ARSB: variants seen among roughly 807,000 people sequenced by gnomAD.
ARSB encodes the protein N-acetylgalactosamine-4-sulfatase.
In ARSB, 41 loss-of-function variants were observed where a neutral mutation model predicts 50.9. That is an observed-to-expected ratio of 0.81 (90% confidence interval 0.63 to 1.04). ARSB has a LOEUF of 1.04. Among genes scored for constraint, ARSB ranks in the 50% least tolerant of loss-of-function variants. The pLI is 0.00. For missense variants in ARSB, 672 were observed against 693.3 expected (o/e 0.97, Z 0.35); for synonymous variants, 269 against 284.8 (o/e 0.94, Z 0.56).
In ARSB at chr5:78,980,938, C is replaced by CTT. The variant is rs762385496; in HGVS notation, c.312+3997_312+3998dup. Among the ~76,000 whole-genome samples the CTT allele has an allele frequency of 6.5e-4, 16 of 24,480 alleles. 4 individuals are homozygous for CTT. The highest frequency in any genetic ancestry group is 1.4e-3 in the Admixed American group (3 of 2,090). The allele number at this position is 24,480 out of a possible 152,430, so 16.1% of individuals were successfully genotyped here. A position where few individuals can be genotyped will look rare whatever the true frequency, so the allele number is the denominator to read the frequency against. ...TGTAGAGAGACCTGAATTTCTAGTTCTTTTTTTTTTTTTTTTTTTTTTTTT... is the reference window on the plus strand; with the variant it reads ...TGTAGAGAGACCTGAATTTCTAGTTCTTTTTTTTTTTTTTTTTTTTTTTTTTT... On this transcript the variant is annotated intron_variant, in intron 1 of 7. Transcript: ENST00000264914.
At position 78,831,703 on chromosome 5, in the gene ARSB, A is replaced by C. The variant is rs1744693659; in HGVS notation, c.1213+7653T>G. ...CATGACCTGGTGCCTCAGTTTCTTC[A>C]CTTGGATTATAAAGAGTGAACAAAC... On this transcript the variant is annotated intron_variant, in intron 6 of 7. Transcript: ENST00000264914. Among the ~76,000 whole-genome samples the C allele has an allele frequency of 2.6e-5, 4 of 152,124 alleles. No homozygotes were observed. The South Asian group carries it at 8.3e-4, about 31-fold the overall frequency.
At chr5:78,942,779 G>A (rs2112440928) in intron 4 of ARSB, among the ~76,000 whole-genome samples, 1 of 152,318 alleles carries the variant, frequency 6.6e-6, no homozygotes, top group Admixed American at 6.5e-5. Context: ...GGAGAGTTCT[G>A]TAGATGTCTA....
chr5:78,892,304 G>T (rs1748345453), intron 4 of ARSB, among the ~76,000 whole-genome samples: 1 of 134,110 alleles, frequency 7.5e-6, no homozygotes. Context: ...CTCCCAGGCT[G>T]GAGTACAGTG....
At chr5:78,905,598 G>A (rs192746439) in intron 4 of ARSB, among the ~76,000 whole-genome samples, 3 of 152,210 alleles carry the variant, frequency 2.0e-5, no homozygotes, top group Non-Finnish European at 4.4e-5. Context: ...TGCCACTCAG[G>A]GGTTAATCTA....
chr5:78,921,875 C>T (rs372772248), intron 4 of ARSB, among the ~76,000 whole-genome samples: 5 of 152,052 alleles, frequency 3.3e-5, no homozygotes, highest in African/African-American at 7.2e-5. Flanking sequence ...GTAGCAGCTG[C>T]GTGGCACAGA....
In ARSB at chr5:78,778,453, T is replaced by C. The variant is rs1748831719; in HGVS notation, c.*1944A>G. ...GTTGCTTTTAGTTTCTAGTGTCCCATAAAGTATAGAAATGGAAATTGCTGA... is the reference window on the plus strand; with the variant it reads ...GTTGCTTTTAGTTTCTAGTGTCCCACAAAGTATAGAAATGGAAATTGCTGA... On this transcript the variant is annotated 3_prime_UTR_variant, in exon 8 of 8. Transcript: ENST00000264914. The C allele has an allele frequency of 1.3e-5, 2 of 152,234 alleles. 1 individual carries two copies. Among genetic ancestry groups the C allele is most frequent in the South Asian group, 4.1e-4 (2 of 4,828 alleles). The allele number at this position is 152,234 out of a possible 1,614,324, so 9.4% of individuals were successfully genotyped here.
intron 3 of ARSB, among the ~76,000 whole-genome samples, chr5:78,958,294 T>C (rs928687735): frequency 3.9e-5 from 6 of 152,022 alleles, no homozygotes; most frequent in South Asian, 2.1e-4. Context: ...GATGTTCTCA[T>C]CCAGGTCATT....
chr5:78,905,580 A>G (rs774015786), intron 4 of ARSB, among the ~76,000 whole-genome samples: 8 of 152,114 alleles, frequency 5.3e-5, no homozygotes, highest in Non-Finnish European at 1.2e-4. Flanking sequence ...GGGTTTGCCC[A>G]GCGCATGTGC....
At chr5:78,923,606 C>T (rs781679921) in intron 4 of ARSB, among the ~76,000 whole-genome samples, 20 of 152,158 alleles carry the variant, frequency 1.3e-4, no homozygotes, top group African/African-American at 4.8e-4. Flanking sequence ...AAGCTCACGT[C>T]GTCATCTGAA....
chr5:78,892,244 T>C (rs986916988), intron 4 of ARSB, among the ~76,000 whole-genome samples: 2 of 146,556 alleles, frequency 1.4e-5, no homozygotes, highest in African/African-American at 5.3e-5. Context: ...TTGCATTCTC[T>C]ATTCTTTTTT....
chr5:78,852,733 T>C (rs1240488239), intron 5 of ARSB, among the ~76,000 whole-genome samples: 1 of 152,144 alleles, frequency 6.6e-6, no homozygotes, highest in East Asian at 1.9e-4. Context: ...TAGTCCCATA[T>C]TTCTTGGAGG....
At chr5:78,885,931 A>AT in intron 4 of ARSB, 104 bp from the exon 5 acceptor site, 1 of 1,563,746 alleles carries the variant, frequency 6.4e-7, no homozygotes, top group Non-Finnish European at 8.7e-7. Context: ...TTAAATAATA[A>AT]AAAAAAAGAA....
Position 78,780,285 on chromosome 5 carries a change from G to C in ARSB, c.*112C>G. 6.9e-7 allele frequency: 1 copy of C among 1,459,108 alleles called. No homozygotes were observed. Among genetic ancestry groups the C allele is most frequent in the South Asian group, 1.2e-5 (1 of 86,462 alleles). 90.4% of individuals were successfully genotyped at this position (1,459,108 alleles called of 1,614,324 possible). On this transcript the variant is annotated 3_prime_UTR_variant, in exon 8 of 8. Coordinates refer to ENST00000264914, the MANE Select transcript of ARSB (RefSeq NM_000046.5). ...TTAGACACCTCGGTGTGGTTTAAGA[G>C]CAAGAGAAGGGCCAAGTGAACCCAG...
At chr5:78,907,203 A>C (rs1237709345) in intron 4 of ARSB, among the ~76,000 whole-genome samples, 1 of 152,258 alleles carries the variant, frequency 6.6e-6, no homozygotes, top group Admixed American at 6.5e-5. Context: ...ACTTTCCATC[A>C]GAGGGCAAGG....
intron 4 of ARSB, among the ~76,000 whole-genome samples, chr5:78,896,223 G>A (rs866506351): frequency 2.0e-5 from 3 of 152,142 alleles, no homozygotes; most frequent in South Asian, 4.2e-4. Context: ...AAGAGTCTCC[G>A]CAGGCAAGGA....
intron 5 of ARSB, among the ~76,000 whole-genome samples, chr5:78,847,203 T>C (rs549213101): frequency 2.0e-5 from 3 of 152,220 alleles, no homozygotes; most frequent in South Asian, 2.1e-4. Context: ...TCATGGCTCA[T>C]TGCAGTCTCA....
chr5:78,870,145 C>T (rs1444381441), intron 5 of ARSB, among the ~76,000 whole-genome samples: 510 of 148,238 alleles, frequency 3.4e-3, no homozygotes, highest in Middle Eastern at 6.8e-3. Context: ...AGACCAATAA[C>T]AGGAGCTGAA....
chr5:78,870,204 G>C (rs1285547087), intron 5 of ARSB, among the ~76,000 whole-genome samples: 2 of 147,350 alleles, frequency 1.4e-5, no homozygotes, highest in East Asian at 1.9e-4. Flanking sequence ...TCCAGGACCA[G>C]AAGGATTCAC....
intron 4 of ARSB, among the ~76,000 whole-genome samples, chr5:78,891,480 T>G (rs550595268): frequency 3.7e-4 from 56 of 152,294 alleles, no homozygotes; most frequent in Non-Finnish European, 7.5e-4. Context: ...CTTTCTTGAG[T>G]GCTGCCATGT....
Sources: allele counts gnomAD v4.1 joint callset (sites outside exome capture counted in the v4.1 genomes callset), GRCh38; gene constraint gnomAD v4.1.1; transcripts MANE v1.5; gene names NCBI Gene and HGNC (gene_info 2026-07-23, HGNC 2026-07-21).